PCDH15: variants seen among roughly 807,000 people sequenced by gnomAD.
PCDH15 encodes the protein protocadherin-15.
PCDH15 carries 129 observed loss-of-function variants against 178.5 expected under a neutral mutation model. The observed-to-expected ratio is 0.72, with a 90% confidence interval of 0.63 to 0.84. The LOEUF (loss-of-function observed/expected upper bound fraction) is 0.84. Ranked by LOEUF, PCDH15 falls within the 40% of genes least tolerant of loss-of-function variation. The pLI is 0.00. For synonymous variants in PCDH15, 800 were observed against 732.0 expected, an observed-to-expected ratio of 1.09 and a Z score of -1.50; for missense variants, 2,230 against 2,099.9, an observed-to-expected ratio of 1.06 and a Z score of -1.21.
chr10:55,064,606 T>C (rs1841517536), intron 2 of PCDH15, among the ~76,000 whole-genome samples: 1 of 152,038 alleles, frequency 6.6e-6, no homozygotes, highest in Admixed American at 6.6e-5. Context: ...ACTGAGGGGA[T>C]AGCTACTTAT....
intron 8 of PCDH15, among the ~76,000 whole-genome samples, chr10:54,278,570 TAC>T (rs987683525): frequency 6.6e-6 from 1 of 151,362 alleles, no homozygotes; most frequent in African/African-American, 2.4e-5. Context: ...GTCCTGAAAG[TAC>T]AGAGAAAAAA....
chr10:54,413,233 A>T (rs1953821371), intron 3 of PCDH15, among the ~76,000 whole-genome samples: 2 of 152,176 alleles, frequency 1.3e-5, no homozygotes, highest in Non-Finnish European at 2.9e-5. Flanking sequence ...AGGGCCTTCC[A>T]ATTTAATGAT....
At chr10:54,181,695 C>T (rs891429126) in intron 13 of PCDH15, among the ~76,000 whole-genome samples, 2 of 152,218 alleles carry the variant, frequency 1.3e-5, no homozygotes, top group South Asian at 4.1e-4. Context: ...TGCTTTAAAA[C>T]ACATTCATTT....
At chr10:54,461,537 T>A (rs1438303787) in intron 3 of PCDH15, among the ~76,000 whole-genome samples, 2 of 152,208 alleles carry the variant, frequency 1.3e-5, no homozygotes, top group African/African-American at 4.8e-5. Context: ...TCGAGCTGCC[T>A]ATAGGTCTTT....
chr10:53,993,551 A>G (rs1305538493), intron 21 of PCDH15, among the ~76,000 whole-genome samples: 1 of 152,224 alleles, frequency 6.6e-6, no homozygotes, highest in Non-Finnish European at 1.5e-5. Context: ...ATTAATAAAC[A>G]TTTATAACAG....
At chr10:55,377,287 T>A (rs568493665) in intron 2 of PCDH15, among the ~76,000 whole-genome samples, 2 of 151,912 alleles carry the variant, frequency 1.3e-5, no homozygotes, top group African/African-American at 4.8e-5. Context: ...TGACTTGCTA[T>A]ATGTCATAAG....
intron 2 of PCDH15, among the ~76,000 whole-genome samples, chr10:55,527,876 G>T (rs1841338284): frequency 6.6e-6 from 1 of 151,362 alleles, no homozygotes; most frequent in African/African-American, 2.4e-5. Context: ...TGACAACAAT[G>T]AGGTAGCTAA....
At chr10:55,465,225 G>A (rs565065630) in intron 2 of PCDH15, among the ~76,000 whole-genome samples, 11 of 152,306 alleles carry the variant, frequency 7.2e-5, no homozygotes, top group African/African-American at 2.6e-4. Flanking sequence ...GAGACCCACA[G>A]AAGTGTTGAG....
At chr10:54,857,995 TACTA>T (rs137936259) in intron 3 of PCDH15, among the ~76,000 whole-genome samples, 31,925 of 152,014 alleles carry the variant, frequency 0.21, 3,441 homozygotes, top group African/African-American at 0.23. Context: ...AACGCATTAT[TACTA>T]ACTAGGGTTA....
intron 1 of PCDH15, among the ~76,000 whole-genome samples, chr10:55,232,289 A>G (rs1006211856): frequency 6.6e-6 from 1 of 152,074 alleles, no homozygotes; most frequent in African/African-American, 2.4e-5. Context: ...TTCAGTGTTA[A>G]CATTCATGGA....
At chr10:54,421,272 G>C (rs1955256428) in intron 3 of PCDH15, among the ~76,000 whole-genome samples, 3 of 151,682 alleles carry the variant, frequency 2.0e-5, no homozygotes, top group Admixed American at 6.6e-5. Context: ...AATTGGATGA[G>C]AGTATATGAA....
intron 3 of PCDH15, among the ~76,000 whole-genome samples, chr10:54,432,202 C>T (rs972938547): frequency 6.6e-6 from 1 of 151,632 alleles, no homozygotes; most frequent in African/African-American, 2.4e-5. Context: ...ACATTACTCA[C>T]AAAAATAGAA....
At chr10:54,680,023 T>G (rs2094870148) in intron 1 of PCDH15, among the ~76,000 whole-genome samples, 1 of 152,234 alleles carries the variant, frequency 6.6e-6, no homozygotes, top group Non-Finnish European at 1.5e-5. Flanking sequence ...AAAATATAAC[T>G]AATCAAAGCA....
intron 2 of PCDH15, among the ~76,000 whole-genome samples, chr10:55,465,301 G>A (rs1189569032): frequency 6.6e-6 from 1 of 152,134 alleles, no homozygotes; most frequent in Non-Finnish European, 1.5e-5. Context: ...GTTTTGAATA[G>A]GTTCCTTTAT....
At chr10:55,484,156 G>A (rs2132121354) in intron 2 of PCDH15, among the ~76,000 whole-genome samples, 1 of 151,756 alleles carries the variant, frequency 6.6e-6, no homozygotes, top group African/African-American at 2.4e-5. Flanking sequence ...GAGGGTAGGA[G>A]TAGGGAGAGG....
intron 1 of PCDH15, among the ~76,000 whole-genome samples, chr10:54,746,163 T>C (rs1425502329): frequency 6.6e-6 from 1 of 152,194 alleles, no homozygotes; most frequent in East Asian, 1.9e-4. Context: ...GGGGGTGTCC[T>C]ATGAATTTTA....
intron 2 of PCDH15, among the ~76,000 whole-genome samples, chr10:54,631,749 G>A (rs2093705501): frequency 6.6e-6 from 1 of 152,094 alleles, no homozygotes; most frequent in African/African-American, 2.4e-5. Flanking sequence ...GAGGCTTCAG[G>A]AAACTTACAA....
chr10:54,340,150 C>T (rs149380833), intron 6 of PCDH15, among the ~76,000 whole-genome samples: 44 of 152,230 alleles, frequency 2.9e-4, no homozygotes, highest in African/African-American at 8.7e-4. Context: ...TTTCTAAATA[C>T]ATCAGCCATG....
upstream of PCDH15, among the ~76,000 whole-genome samples, chr10:55,319,918 G>A (rs1321818639): frequency 2.0e-5 from 3 of 152,086 alleles, no homozygotes; most frequent in Non-Finnish European, 4.4e-5. Flanking sequence ...AGCCTTAGGG[G>A]TACTGTTGGA....
Sources: allele counts gnomAD v4.1 joint callset (sites outside exome capture counted in the v4.1 genomes callset), GRCh38; gene constraint gnomAD v4.1.1; transcripts MANE v1.5; gene names NCBI Gene and HGNC (gene_info 2026-07-23, HGNC 2026-07-21).